The following MAP3K20 variants were observed in gnomAD, a reference collection of about 807,000 sequenced individuals.
MAP3K20 encodes HCCS-4.
MAP3K20 carries 40 observed loss-of-function variants against 85.7 expected under a neutral mutation model. The observed-to-expected ratio is 0.47, with a 90% CI of 0.36 to 0.61. The LOEUF (loss-of-function observed/expected upper bound fraction) is 0.61. Ranked by LOEUF, MAP3K20 falls within the 20% of genes least tolerant of loss-of-function variation. The pLI is 0.00. For synonymous variants in MAP3K20, 325 were observed against 327.7 expected (o/e 0.99, Z 0.09); for missense variants, 817 against 961.7 (o/e 0.85, Z 1.99).
chr2:173,134,592 CTTAG>C (rs1231319216), intron 2 of MAP3K20, among the ~76,000 whole-genome samples: 1 of 149,740 alleles, frequency 6.7e-6, no homozygotes, highest in Non-Finnish European at 1.5e-5. Context: ...CTTAGTTGGT[CTTAG>C]TTAGAGGTTG....
chr2:173,263,865 G>A lies in MAP3K20; in HGVS notation c.1672G>A (p.Asp558Asn). 6.2e-7 allele frequency: 1 copy of A among 1,612,706 alleles called. No homozygotes were observed. The highest frequency in any genetic ancestry group is 8.5e-7 in the Non-Finnish European group (1 of 1,179,632). Residue 558 changes from aspartate (D) to asparagine (N), a missense_variant, in exon 19 of 20, where the codon GAT becomes AAT. Transcript: ENST00000375213. ...LAIQTLFTNS[D>N]GNPGSRSDSS... ...CATTCAGACATTATTCACCAATTCA[G>A]ATGGCAACCCTGGAAGCAGGTCCGA...
intron 9 of MAP3K20, among the ~76,000 whole-genome samples, chr2:173,205,580 T>G (rs979161430): frequency 6.6e-6 from 1 of 152,152 alleles, no homozygotes; most frequent in Non-Finnish European, 1.5e-5. Flanking sequence ...CACGTGCTCC[T>G]TCTTGGCTTG....
At chr2:173,195,022 C>T (rs1417057192) in intron 7 of MAP3K20, among the ~76,000 whole-genome samples, 1 of 152,008 alleles carries the variant, frequency 6.6e-6, no homozygotes, top group African/African-American at 2.4e-5. Flanking sequence ...GCTAGGGAGG[C>T]AATTGTTTCC....
At chr2:173,193,497 G>T (rs1454986724) in intron 7 of MAP3K20, among the ~76,000 whole-genome samples, 1 of 152,122 alleles carries the variant, frequency 6.6e-6, no homozygotes, top group Non-Finnish European at 1.5e-5. Flanking sequence ...CCAGGGCTTT[G>T]GTGTGAAATG....
chr2:173,186,490 AG>A (rs1690488794), intron 4 of MAP3K20, among the ~76,000 whole-genome samples: 1 of 152,150 alleles, frequency 6.6e-6, no homozygotes, highest in Non-Finnish European at 1.5e-5. Context: ...TATCATTAAA[AG>A]GCAAGAGTTT....
At chr2:173,122,766 T>C (rs1038173596) in intron 2 of MAP3K20, among the ~76,000 whole-genome samples, 3 of 152,200 alleles carry the variant, frequency 2.0e-5, no homozygotes, top group African/African-American at 7.2e-5. Flanking sequence ...GAGATTCCTG[T>C]GGGCCAAAGC....
intron 2 of MAP3K20, chr2:173,160,405 C>CAGGT (rs1417068212): frequency 6.6e-6 from 1 of 152,220 alleles, no homozygotes; most frequent in East Asian, 1.9e-4. Flanking sequence ...TCTTGTCATA[C>CAGGT]AGGTAAGAAT....
intron 8 of MAP3K20, among the ~76,000 whole-genome samples, chr2:173,202,171 G>C (rs1353217869): frequency 6.6e-6 from 1 of 152,010 alleles, no homozygotes; most frequent in Non-Finnish European, 1.5e-5. Flanking sequence ...TCATCAAAAG[G>C]TCTGCAGTTT....
At chr2:173,083,549 A>C (rs960059262) in intron 1 of MAP3K20, among the ~76,000 whole-genome samples, 8 of 152,004 alleles carry the variant, frequency 5.3e-5, no homozygotes, top group African/African-American at 1.9e-4. Context: ...ATTAAAAAAA[A>C]ATAGTAGAAC....
chr2:173,077,401 T>C (rs931746489), intron 1 of MAP3K20, among the ~76,000 whole-genome samples: 1 of 117,770 alleles, frequency 8.5e-6, no homozygotes, highest in Non-Finnish European at 2.0e-5. Context: ...AAAAAAAAAG[T>C]GATGGCTGCA....
chr2:173,265,409 C>A (rs1685396987), intron 19 of MAP3K20, among the ~76,000 whole-genome samples: 1 of 152,224 alleles, frequency 6.6e-6, no homozygotes, highest in African/African-American at 2.4e-5. Context: ...TTCCTATCTG[C>A]CAATGCAGCT....
At chr2:173,205,551 C>T (rs1683656725) in intron 9 of MAP3K20, among the ~76,000 whole-genome samples, 1 of 152,158 alleles carries the variant, frequency 6.6e-6, no homozygotes, top group Admixed American at 6.5e-5. Flanking sequence ...GGGACCAGTG[C>T]CATGAAGCCT....
chr2:173,216,125 A>G (rs1684064182), intron 10 of MAP3K20, among the ~76,000 whole-genome samples: 1 of 152,130 alleles, frequency 6.6e-6, no homozygotes, highest in African/African-American at 2.4e-5. Context: ...CTTTTCAGAA[A>G]CTCAAGGGAA....
At chr2:173,106,578 A>G (rs891201191) in intron 2 of MAP3K20, among the ~76,000 whole-genome samples, 3 of 152,228 alleles carry the variant, frequency 2.0e-5, no homozygotes, top group Admixed American at 1.3e-4. Context: ...ATTCAGCTCA[A>G]CAGTTGCAAG....
At chr2:173,091,688 G>T (rs946396473) in intron 2 of MAP3K20, among the ~76,000 whole-genome samples, 1 of 152,208 alleles carries the variant, frequency 6.6e-6, no homozygotes. Context: ...AAGGCTAACA[G>T]TGATGGTCTT....
At chr2:173,254,945 A>G (rs1418473718) in intron 16 of MAP3K20, among the ~76,000 whole-genome samples, 4 of 152,198 alleles carry the variant, frequency 2.6e-5, no homozygotes, top group Non-Finnish European at 4.4e-5. Flanking sequence ...GTTGCAGCAT[A>G]TTCTCTTTCT....
chr2:173,232,526 C>A, intron 14 of MAP3K20, 67 bp downstream of exon 14: 1 of 1,585,228 alleles, frequency 6.3e-7, no homozygotes, highest in South Asian at 1.2e-5. Flanking sequence ...TTTTTTGAGG[C>A]AGAGTCTTGC....
At chr2:173,246,670 C>A (rs1054113899) in intron 16 of MAP3K20, among the ~76,000 whole-genome samples, 1 of 152,140 alleles carries the variant, frequency 6.6e-6, no homozygotes, top group Non-Finnish European at 1.5e-5. Context: ...CCATTCCTTA[C>A]AAATGCTCAA....
intron 11 of MAP3K20, chr2:173,227,112 A>C: frequency 1.0e-6 from 1 of 985,836 alleles, no homozygotes. Context: ...CTTTGTTCTA[A>C]GACTCCATTT....
Sources: allele counts gnomAD v4.1 joint callset (sites outside exome capture counted in the v4.1 genomes callset), GRCh38; gene constraint gnomAD v4.1.1; transcripts MANE v1.5; gene names NCBI Gene and HGNC (gene_info 2026-07-23, HGNC 2026-07-21).